LRRTM4: variants seen among roughly 807,000 people sequenced by gnomAD.
LRRTM4 encodes the protein leucine rich repeat transmembrane neuronal 4.
In LRRTM4, 25 loss-of-function variants were observed where a neutral mutation model predicts 47.6. The observed-to-expected ratio is 0.53, with a 90% CI of 0.38 to 0.73. The LOEUF is 0.73. LRRTM4 is among the 30% of genes least tolerant of loss of function. The probability of loss-of-function intolerance (pLI) is 0.00; values close to 1 mark genes in which losing one functional copy is unlikely to be tolerated. For missense variants in LRRTM4, 638 were observed against 713.4 expected (o/e 0.89, Z 1.20); for synonymous variants, 311 against 269.5 (o/e 1.15, Z -1.51).
chr2:77,360,487 GATACGA>G (rs1672154768), intron 3 of LRRTM4, among the ~76,000 whole-genome samples: 1 of 59,124 alleles, frequency 1.7e-5, no homozygotes. Context: ...GATACGATAC[GATACGA>G]TACGATACGA....
chr2:77,480,308 G>T (rs1198041975), intron 3 of LRRTM4, among the ~76,000 whole-genome samples: 1 of 152,170 alleles, frequency 6.6e-6, no homozygotes, highest in Non-Finnish European at 1.5e-5. Flanking sequence ...CAACACGATT[G>T]CAGGGGAGCA....
chr2:76,896,060 T>A (rs1489795688), intron 3 of LRRTM4, among the ~76,000 whole-genome samples: 1 of 152,074 alleles, frequency 6.6e-6, no homozygotes, highest in Non-Finnish European at 1.5e-5. Context: ...AAAAACACTT[T>A]GGTTTTATAC....
chr2:76,877,123 C>T (rs976530943), intron 3 of LRRTM4, among the ~76,000 whole-genome samples: 1 of 151,928 alleles, frequency 6.6e-6, no homozygotes, highest in Non-Finnish European at 1.5e-5. Context: ...TTTGTAAGAG[C>T]GGGAAGTAGA....
At chr2:76,798,363 C>T (rs575574618) in intron 3 of LRRTM4, among the ~76,000 whole-genome samples, 163 of 151,894 alleles carry the variant, frequency 1.1e-3, no homozygotes, top group South Asian at 3.6e-3. Context: ...GGGTACATAA[C>T]GAAATGAAGG....
At chr2:77,154,989 T>C (rs1672520532) in intron 3 of LRRTM4, among the ~76,000 whole-genome samples, 1 of 152,148 alleles carries the variant, frequency 6.6e-6, no homozygotes, top group Non-Finnish European at 1.5e-5. Context: ...CTTGCACTAC[T>C]AACTGTCAAT....
chr2:77,154,845 T>C (rs1002952824), intron 3 of LRRTM4, among the ~76,000 whole-genome samples: 8 of 152,198 alleles, frequency 5.3e-5, no homozygotes, highest in African/African-American at 1.7e-4. Context: ...CTCTGAAGCT[T>C]TCTAGTATTA....
intron 3 of LRRTM4, among the ~76,000 whole-genome samples, chr2:76,994,822 T>C (rs776096279): frequency 6.6e-6 from 1 of 151,982 alleles, no homozygotes; most frequent in African/African-American, 2.4e-5. Context: ...ATGTGTGAAA[T>C]TGATTCACCC....
chr2:77,285,340 T>TTATATGTATATATA (rs1676621916), intron 3 of LRRTM4, among the ~76,000 whole-genome samples: 1 of 82,590 alleles, frequency 1.2e-5, no homozygotes, highest in African/African-American at 4.2e-5. Flanking sequence ...AGCATTAAAT[T>TTATATGTATATATA]TATATATATA....
intron 3 of LRRTM4, among the ~76,000 whole-genome samples, chr2:77,331,706 G>C (rs1351297595): frequency 6.7e-6 from 1 of 149,964 alleles, no homozygotes; most frequent in African/African-American, 2.5e-5. Context: ...TTGAAGAATG[G>C]TGTTTGAGGT....
intron 3 of LRRTM4, chr2:76,985,843 G>A (rs1676774656): frequency 6.6e-6 from 1 of 151,880 alleles, no homozygotes; most frequent in African/African-American, 2.4e-5. Context: ...GAAAGACAAT[G>A]TGAGTCGTTA....
chr2:77,217,453 A>ATT (rs1372038885), intron 3 of LRRTM4, among the ~76,000 whole-genome samples: 2 of 136,742 alleles, frequency 1.5e-5, no homozygotes, highest in Non-Finnish European at 3.1e-5. Flanking sequence ...ATATATATAT[A>ATT]TATATATATA....
At chr2:76,872,859 T>A (rs551493472) in intron 3 of LRRTM4, among the ~76,000 whole-genome samples, 22 of 152,100 alleles carry the variant, frequency 1.4e-4, no homozygotes, top group African/African-American at 5.3e-4. Context: ...CCTCTGAGAA[T>A]TGGTTATTAA....
intron 3 of LRRTM4, among the ~76,000 whole-genome samples, chr2:76,899,152 T>C (rs1223246433): frequency 6.6e-6 from 1 of 151,988 alleles, no homozygotes; most frequent in Non-Finnish European, 1.5e-5. Context: ...ATGAAATATA[T>C]ATGAGTATGC....
At chr2:77,204,509 A>G (rs2103906879) in intron 3 of LRRTM4, among the ~76,000 whole-genome samples, 1 of 152,178 alleles carries the variant, frequency 6.6e-6, no homozygotes, top group East Asian at 1.9e-4. Context: ...TTGGGGAATT[A>G]GGCCAGGTGG....
At chr2:77,046,770 C>T (rs1241299526) in intron 3 of LRRTM4, among the ~76,000 whole-genome samples, 2 of 151,872 alleles carry the variant, frequency 1.3e-5, no homozygotes, top group East Asian at 3.9e-4. Flanking sequence ...ATATCTATGC[C>T]CATCTCTAAC....
intron 3 of LRRTM4, among the ~76,000 whole-genome samples, chr2:77,458,512 G>C (rs1361509632): frequency 6.6e-6 from 1 of 152,034 alleles, no homozygotes; most frequent in Non-Finnish European, 1.5e-5. Context: ...GGGTTGTCCC[G>C]TGGAATTGAC....
At chr2:76,916,199 T>C (rs1490071993) in intron 3 of LRRTM4, among the ~76,000 whole-genome samples, 2 of 151,686 alleles carry the variant, frequency 1.3e-5, no homozygotes, top group Non-Finnish European at 2.9e-5. Flanking sequence ...TAGAATAACA[T>C]GAACACAAGT....
At chr2:77,278,423 C>T (rs1055589419) in intron 3 of LRRTM4, among the ~76,000 whole-genome samples, 1 of 151,842 alleles carries the variant, frequency 6.6e-6, no homozygotes, top group African/African-American at 2.4e-5. Context: ...ATACTTATGT[C>T]CGTGAATGTT....
intron 3 of LRRTM4, among the ~76,000 whole-genome samples, chr2:77,040,829 G>T (rs1322999786): frequency 6.6e-6 from 1 of 151,362 alleles, no homozygotes; most frequent in Non-Finnish European, 1.5e-5. Context: ...TATACATATT[G>T]ATGGGGTAAA....
Sources: allele counts gnomAD v4.1 joint callset (sites outside exome capture counted in the v4.1 genomes callset), GRCh38; gene constraint gnomAD v4.1.1; transcripts MANE v1.5; gene names NCBI Gene and HGNC (gene_info 2026-07-23, HGNC 2026-07-21).